POLR3A: variants seen among roughly 807,000 people sequenced by gnomAD.
The protein encoded by POLR3A is DNA-directed RNA polymerase III subunit RPC1.
In POLR3A, 112 loss-of-function variants were observed where a neutral mutation model predicts 152.8. That is an observed-to-expected ratio of 0.73 (90% CI 0.63 to 0.86). POLR3A has a LOEUF of 0.86. POLR3A is among the 40% of genes least tolerant of loss of function. POLR3A has a pLI of 0.00. For synonymous variants in POLR3A, 615 were observed against 652.1 expected (o/e 0.94, Z 0.87); for missense variants, 1,385 against 1,743.1 (o/e 0.79, Z 3.66).
rs2131922881 is a variant in POLR3A, at chr10:77,977,228, A to G, written c.*250T>C. ...GCACGAGCTGTGGGGCCGTCTATAG[A>G]TTAGGTTTCAAGCAAGCAAACAATA... On this transcript the variant is annotated 3_prime_UTR_variant, in exon 31 of 31. Transcript: ENST00000372371. The G allele has an allele frequency of 4.0e-6, 2 of 503,302 alleles. No homozygotes were observed. The highest frequency in any genetic ancestry group is 3.6e-6 in the Non-Finnish European group (1 of 277,078). 31.2% of individuals were successfully genotyped at this position (503,302 alleles called of 1,614,324 possible).
intron 16 of POLR3A, 25 bp downstream of exon 16, chr10:78,004,691 C>T (rs753392917): frequency 5.6e-6 from 9 of 1,603,252 alleles, no homozygotes; most frequent in South Asian, 4.4e-5. Context: ...CAAGTGGCGA[C>T]CCTGAACCAA....
intron 12 of POLR3A, 48 bp downstream of exon 12, chr10:78,010,423 C>CTA: frequency 7.6e-7 from 1 of 1,321,624 alleles, no homozygotes. Flanking sequence ...ACGAGGAACA[C>CTA]TGTGTTCCAG....
intron 5 of POLR3A, among the ~76,000 whole-genome samples, chr10:78,022,799 C>T (rs1203551891): frequency 2.0e-5 from 3 of 152,000 alleles, no homozygotes; most frequent in African/African-American, 7.3e-5. Context: ...AAGCAGCAAG[C>T]CATTGGGGGG....
At chr10:77,996,645 GGA>G (rs1288108668) in intron 19 of POLR3A, among the ~76,000 whole-genome samples, 12 of 151,106 alleles carry the variant, frequency 7.9e-5, no homozygotes, top group African/African-American at 2.9e-4. Context: ...ACCAATAACA[GGA>G]GCTGAAATTG....
intron 11 of POLR3A, 110 bp downstream of exon 11, chr10:78,013,539 AG>A (rs1847486771): frequency 1.8e-6 from 2 of 1,118,088 alleles, no homozygotes; most frequent in Admixed American, 1.7e-5. Context: ...AAGAACAGAA[AG>A]AGCCTGGCTT....
intron 2 of POLR3A, 134 bp from the exon 3 acceptor site, chr10:78,025,893 T>C: frequency 1.7e-6 from 2 of 1,146,566 alleles, no homozygotes; most frequent in East Asian, 2.4e-5. Context: ...CACTTCCTAC[T>C]GTTTTTCTTT....
chr10:78,026,101 T>C lies in POLR3A; in HGVS notation c.173A>G (p.His58Arg). Residue 58 changes from histidine (H) to arginine (R), a missense_variant, in exon 2 of 31, where the codon CAT becomes CGT. By Grantham distance (29) the His-to-Arg change is conservative (BLOSUM62 0). This residue lies in a region of POLR3A where 493 missense variants were observed against 647.5 expected (regional missense o/e 0.76). Coordinates refer to ENST00000372371, the MANE Select transcript of POLR3A (RefSeq NM_007055.4). ...HAPLLYGVLDHRMGTSEKDRP... is the reference protein window; with the variant it reads ...HAPLLYGVLDRRMGTSEKDRP... The stretch of plus-strand genomic sequence containing the variant: ...GGGGTGAGGGGGCCTTACCATCCTA[T>C]GGTCGAGCACCCCATATAGCAAGGG... The C allele has an allele frequency of 6.2e-7, 1 of 1,614,176 alleles. No individual in the cohort carries two copies. Among genetic ancestry groups the C allele is most frequent in the Non-Finnish European group, 8.5e-7 (1 of 1,180,022 alleles).
chr10:77,980,689 C>G (rs1037523891), intron 29 of POLR3A, among the ~76,000 whole-genome samples: 7 of 152,042 alleles, frequency 4.6e-5, no homozygotes, highest in African/African-American at 1.7e-4. Context: ...TTATTAAAAC[C>G]ATGAAACAAG....
At chr10:78,011,872 A>G (rs1847469879) in intron 11 of POLR3A, among the ~76,000 whole-genome samples, 1 of 152,126 alleles carries the variant, frequency 6.6e-6, no homozygotes, top group Non-Finnish European at 1.5e-5. Context: ...CTACCCCAAA[A>G]TCCTTGGAGA....
intron 12 of POLR3A, 21 bp from the exon 13 acceptor site, chr10:78,010,012 C>A (rs749425512): frequency 4.3e-6 from 7 of 1,613,504 alleles, no homozygotes; most frequent in Non-Finnish European, 5.9e-6. Flanking sequence ...GGAACCAACA[C>A]AAAACAAAGA....
At chr10:78,008,706 C>T (rs1157058042) in intron 14 of POLR3A, among the ~76,000 whole-genome samples, 1 of 152,124 alleles carries the variant, frequency 6.6e-6, no homozygotes, top group Non-Finnish European at 1.5e-5. Flanking sequence ...ACTCAGATGA[C>T]TTGCATGTAA....
intron 11 of POLR3A, 163 bp downstream of exon 11, chr10:78,013,487 A>G: frequency 2.8e-6 from 2 of 705,474 alleles, no homozygotes; most frequent in Non-Finnish European, 5.0e-6. Flanking sequence ...CTCAAAAGAA[A>G]CCAATAAAAA....
At position 77,984,222 on chromosome 10, in the gene POLR3A, T is replaced by C; in HGVS notation, c.3319A>G (p.Lys1107Glu). The C allele has an allele frequency of 6.2e-7, 1 of 1,608,878 alleles. No homozygotes were observed. Among genetic ancestry groups the C allele is most frequent in the Non-Finnish European group, 8.5e-7 (1 of 1,175,372 alleles). Residue 1107 changes from lysine (K) to glutamate (E), a missense_variant, in exon 25 of 31, where the codon AAA becomes GAA. Lys to Glu is a moderately conservative substitution (Grantham distance 56, BLOSUM62 1). This residue lies in a region of POLR3A where 332 missense variants were observed against 400.1 expected (regional missense o/e 0.83). Transcript: ENST00000372371. ...CTTCTTACCTCTCCCAAGAGGGTTT[T>C]CTCAATTCTCCCTTTCACGAGGCGA... ...YARLVKGRIE[K>E]TLLGEISEYI...
chr10:78,017,245 T>C (rs1282844494), intron 10 of POLR3A, among the ~76,000 whole-genome samples: 1 of 151,824 alleles, frequency 6.6e-6, no homozygotes, highest in Non-Finnish European at 1.5e-5. Flanking sequence ...GGCAATATAG[T>C]GAGACCCCCG....
At chr10:77,980,721 A>C (rs1046107430) in intron 29 of POLR3A, among the ~76,000 whole-genome samples, 2 of 152,244 alleles carry the variant, frequency 1.3e-5, no homozygotes, top group African/African-American at 4.8e-5. Flanking sequence ...TTGTGATGTT[A>C]AACAAAAAGT....
intron 9 of POLR3A, among the ~76,000 whole-genome samples, chr10:78,018,099 A>G (rs1252257947): frequency 6.6e-6 from 1 of 150,916 alleles, no homozygotes; most frequent in Non-Finnish European, 1.5e-5. Context: ...TCACCTGAGC[A>G]GAGGAGGTGG....
At position 78,009,895 on chromosome 10, in the gene POLR3A, T is replaced by G; in HGVS notation, c.1739A>C (p.Lys580Thr). 1 of 1,613,976 alleles carries G rather than the reference T, an allele frequency of 6.2e-7. No individual in the cohort carries two copies. The highest frequency in any genetic ancestry group is 8.5e-7 in the Non-Finnish European group (1 of 1,180,006). The part of the protein sequence containing the change: ...SILVGKDEKI[K>T]VRLPPPTILK... The stretch of plus-strand genomic sequence containing the variant: ...GATTGTAGGCGGTGGGAGGCGAACT[T>G]TAATTTTCTCATCCTTGCCAACCAG... The change falls in exon 13 of 31, where the codon AAA (lysine) becomes ACA (threonine). Residue 580 changes from lysine (K) to threonine (T), a missense_variant. Physicochemically the swap from Lys to Thr is moderately conservative, Grantham distance 78. Around this residue, in one of 7 missense-constraint regions of POLR3A, gnomAD observed 188 missense variants for 179.9 expected, o/e 1.04. Coordinates refer to ENST00000372371, the MANE Select transcript of POLR3A (RefSeq NM_007055.4).
At chr10:78,021,465 T>A in intron 8 of POLR3A, 81 bp downstream of exon 8, 1 of 1,434,792 alleles carries the variant, frequency 7.0e-7, no homozygotes, top group Non-Finnish European at 9.8e-7. Context: ...GACTTTCTAC[T>A]GCCTGTTGTT....
chr10:78,000,888 G>T lies in POLR3A; in HGVS notation c.2478+88C>A, dbSNP rs190072159. ...AAAACTCCACATGAAATTGGCCAAC[G>T]GTCTTTGATCTGAATAGGTCTGTGT... On this transcript the variant is annotated intron_variant, in intron 18 of 30. Transcript: ENST00000372371. 13 of 766,834 alleles carry T rather than the reference G, an allele frequency of 1.7e-5. 1 individual carries two copies. Among genetic ancestry groups the T allele is most frequent in the Middle Eastern group, 4.7e-4 (2 of 4,218 alleles). 47.5% of individuals were successfully genotyped at this position (766,834 alleles called of 1,614,324 possible).
Sources: gnomAD v4.1 joint callset for allele counts (sites outside exome capture counted in the v4.1 genomes callset) on GRCh38, gnomAD v4.1.1 for gene constraint, gnomAD v4.1.1 regional missense constraint, MANE v1.5 for transcripts, NCBI Gene and HGNC (gene_info 2026-07-23, HGNC 2026-07-21) for gene names.